The following SUCLG2 variants were observed in gnomAD, a reference collection of about 807,000 sequenced individuals.
SUCLG2 encodes the protein succinate--CoA ligase [GDP-forming] subunit beta, mitochondrial.
Under a neutral mutation model 47.9 loss-of-function variants are expected in SUCLG2, and 42 were observed. The ratio of observed to expected loss-of-function variants is 0.88; its 90% confidence interval spans 0.69 to 1.14. The LOEUF is 1.14. Ranked by LOEUF, SUCLG2 falls within the 50% of genes most tolerant of loss-of-function variation. The probability of loss-of-function intolerance (pLI) is 0.00; values close to 1 mark genes in which losing one functional copy is unlikely to be tolerated. For synonymous variants in SUCLG2, 195 were observed against 197.3 expected (o/e 0.99, Z 0.10); for missense variants, 571 against 525.9 (o/e 1.09, Z -0.84).
At chr3:67,489,032 A>G (rs1389838085) in intron 9 of SUCLG2, among the ~76,000 whole-genome samples, 2 of 152,160 alleles carry the variant, frequency 1.3e-5, no homozygotes, top group East Asian at 1.9e-4. Flanking sequence ...CTTGTTTCTG[A>G]GGGTATGTCA....
intron 1 of SUCLG2, among the ~76,000 whole-genome samples, chr3:67,653,247 T>C (rs900971663): frequency 2.6e-5 from 4 of 152,216 alleles, no homozygotes; most frequent in African/African-American, 9.6e-5. Context: ...AAATAATGAA[T>C]AGGACTTCAT....
intron 1 of SUCLG2, among the ~76,000 whole-genome samples, chr3:67,622,012 C>G (rs1269294378): frequency 6.6e-6 from 1 of 152,128 alleles, no homozygotes; most frequent in African/African-American, 2.4e-5. Flanking sequence ...GGGCAACAGG[C>G]TACAGTACCT....
At position 67,400,762 on chromosome 3, in the gene SUCLG2, T is replaced by C. The variant is rs1384849544; in HGVS notation, c.1152A>G (p.Glu384=). 6.8e-6 allele frequency: 11 copies of C among 1,611,766 alleles called. No homozygotes were observed. The highest frequency in any genetic ancestry group is 9.3e-6 in the Non-Finnish European group (11 of 1,179,894). Reference sequence around the variant, plus strand: ...GCCGGACCACCAGGGGCACCTTGAGTTCTAGCTCCCGGCAGGCTTTGGTGA... The same window carrying C: ...GCCGGACCACCAGGGGCACCTTGAGCTCTAGCTCCCGGCAGGCTTTGGTGA... ...NGITKACREL[E]LKVPLVVRLE... The change falls in exon 10 of 11, where the codon GAA becomes GAG. Residue 384 remains glutamate (E), a synonymous_variant. Coordinates refer to ENST00000307227, the MANE Select transcript of SUCLG2 (RefSeq NM_003848.4).
At chr3:67,571,428 T>G (rs1290493686) in intron 2 of SUCLG2, among the ~76,000 whole-genome samples, 1 of 152,160 alleles carries the variant, frequency 6.6e-6, no homozygotes, top group African/African-American at 2.4e-5. Context: ...AGACAACAAC[T>G]CTTGGAGTAG....
chr3:67,628,267 C>T (rs900621839), intron 1 of SUCLG2, among the ~76,000 whole-genome samples: 13 of 152,136 alleles, frequency 8.5e-5, no homozygotes, highest in Non-Finnish European at 1.5e-4. Context: ...ATGAGTGCCC[C>T]GTGCCCAGAA....
At chr3:67,455,229 T>C (rs1443373691) in intron 9 of SUCLG2, among the ~76,000 whole-genome samples, 1 of 152,196 alleles carries the variant, frequency 6.6e-6, no homozygotes, top group East Asian at 1.9e-4. Flanking sequence ...TTCAAATCCA[T>C]AACTTGAAAC....
At chr3:67,537,370 T>C (rs1706572757) in intron 2 of SUCLG2, among the ~76,000 whole-genome samples, 1 of 152,188 alleles carries the variant, frequency 6.6e-6, no homozygotes, top group African/African-American at 2.4e-5. Context: ...GTTTCCAGCT[T>C]CATCCATGTC....
chr3:67,384,754 C>T (rs1171663314), intron 10 of SUCLG2, among the ~76,000 whole-genome samples: 1 of 152,322 alleles, frequency 6.6e-6, no homozygotes, highest in East Asian at 1.9e-4. Flanking sequence ...TCCACTCCCT[C>T]CACCCCTTCC....
chr3:67,641,208 A>G (rs1318181413), intron 1 of SUCLG2, among the ~76,000 whole-genome samples: 2 of 152,186 alleles, frequency 1.3e-5, no homozygotes, highest in Non-Finnish European at 2.9e-5. Flanking sequence ...TCTGTCTTTA[A>G]GTTGATTTCA....
At chr3:67,609,817 TA>T in intron 1 of SUCLG2, among the ~76,000 whole-genome samples, 1 of 152,248 alleles carries the variant, frequency 6.6e-6, no homozygotes, top group East Asian at 1.9e-4. Context: ...GCAGGTTTTT[TA>T]AAAATGCTGA....
intron 9 of SUCLG2, among the ~76,000 whole-genome samples, chr3:67,420,265 C>T (rs1559519360): frequency 6.6e-6 from 1 of 152,140 alleles, no homozygotes; most frequent in African/African-American, 2.4e-5. Context: ...AAATAGGCAA[C>T]GTAATAAACT....
chr3:67,506,529 C>T (rs1705643114), intron 7 of SUCLG2, among the ~76,000 whole-genome samples: 1 of 152,128 alleles, frequency 6.6e-6, no homozygotes. Context: ...AAAAATCAAA[C>T]TTCAGACTCA....
chr3:67,488,000 T>C (rs937365218), intron 9 of SUCLG2, among the ~76,000 whole-genome samples: 2 of 151,936 alleles, frequency 1.3e-5, no homozygotes, highest in African/African-American at 4.8e-5. Flanking sequence ...GAAAATGTTA[T>C]AGAGAACTGT....
intron 8 of SUCLG2, 75 bp from the exon 9 acceptor site, chr3:67,496,015 C>A: frequency 1.3e-6 from 2 of 1,573,440 alleles, no homozygotes; most frequent in Non-Finnish European, 1.7e-6. Context: ...TTTCCCTCCC[C>A]CATATTGCCA....
chr3:67,512,981 C>T lies in SUCLG2; in HGVS notation c.661-4078G>A, dbSNP rs183200032. ...TCCATATATATGTATATAGATAATA[C>T]GTATAGATATATATAGATACCAGAT... On this transcript the variant is annotated intron_variant, in intron 6 of 10. Transcript: ENST00000307227. 2.9e-4 allele frequency among the ~76,000 whole-genome samples: 43 copies of T among 149,770 alleles called. 4 individuals carry two copies. The South Asian group carries it at 4.8e-3, about 17-fold the overall frequency.
intron 10 of SUCLG2, among the ~76,000 whole-genome samples, chr3:67,380,517 C>T (rs1175379940): frequency 6.6e-6 from 1 of 152,230 alleles, no homozygotes; most frequent in African/African-American, 2.4e-5. Flanking sequence ...CTTGCAGTTA[C>T]ACTTTAATTA....
chr3:67,631,118 C>T lies in SUCLG2; in HGVS notation c.85-21522G>A, dbSNP rs1700918203. Among the ~76,000 whole-genome samples the T allele has an allele frequency of 3.3e-5, 5 of 152,296 alleles. 1 individual carries two copies. In the South Asian group the frequency reaches 1.0e-3, roughly 32 times the overall value. ...CAGCACTGAGAGTCCCACAGGAGATCCTCACTAGCTACTTGACAGCATTCA... is the reference window on the plus strand; with the variant it reads ...CAGCACTGAGAGTCCCACAGGAGATTCTCACTAGCTACTTGACAGCATTCA... On this transcript the variant is annotated intron_variant, in intron 1 of 10. Transcript: ENST00000307227.
intron 2 of SUCLG2, among the ~76,000 whole-genome samples, chr3:67,591,016 A>G (rs753582867): frequency 6.6e-6 from 1 of 152,206 alleles, no homozygotes; most frequent in Non-Finnish European, 1.5e-5. Context: ...CTCATCTCCT[A>G]TTTAGTCTAT....
At chr3:67,503,295 G>A (rs1705549034) in intron 7 of SUCLG2, among the ~76,000 whole-genome samples, 1 of 152,064 alleles carries the variant, frequency 6.6e-6, no homozygotes, top group African/African-American at 2.4e-5. Flanking sequence ...CTTAGAAAAA[G>A]TGCATTCCAT....
Sources: allele counts gnomAD v4.1 joint callset (sites outside exome capture counted in the v4.1 genomes callset), GRCh38; gene constraint gnomAD v4.1.1; transcripts MANE v1.5; gene names NCBI Gene and HGNC (gene_info 2026-07-23, HGNC 2026-07-21).